MEIKIN: variants seen among roughly 807,000 people sequenced by gnomAD.
MEIKIN encodes the protein meiotic kinetochore factor, also known as meiosis-specific kinetochore protein.
intron 11 of MEIKIN, among the ~76,000 whole-genome samples, chr5:131,850,595 A>T (rs1450734519): frequency 6.6e-6 from 1 of 152,158 alleles, no homozygotes; most frequent in Non-Finnish European, 1.5e-5. Context: ...CTCTTCAACA[A>T]ATGATGCTGA....
In MEIKIN at chr5:131,914,502, G is replaced by GAAAAGA. The variant is rs1322608031; in HGVS notation, c.638+2378_638+2383dup. On this transcript the variant is annotated intron_variant, in intron 7 of 12. Coordinates refer to ENST00000442687, the MANE Select transcript of MEIKIN (RefSeq NM_001303622.2). The stretch of plus-strand genomic sequence containing the variant: ...GAAAGAGAGAGAAAGAGGAGAAAAA[G>GAAAAGA]AAAAGAAAAAGAAAAAGGAAGGGAG... 4.2e-5 allele frequency among the ~76,000 whole-genome samples: 5 copies of GAAAAGA among 119,740 alleles called. No homozygotes were observed. In the South Asian group the frequency reaches 1.5e-3, roughly 36 times the overall value. 78.6% of individuals were successfully genotyped at this position (119,740 alleles called of 152,430 possible).
chr5:131,943,964 C>A (rs1213822882), intron 3 of MEIKIN, among the ~76,000 whole-genome samples: 1 of 151,882 alleles, frequency 6.6e-6, no homozygotes, highest in African/African-American at 2.4e-5. Flanking sequence ...CAAAAATTAG[C>A]TGGGTGGTGG....
At chr5:131,874,162 A>G (rs1174700298) in intron 9 of MEIKIN, among the ~76,000 whole-genome samples, 2 of 152,186 alleles carry the variant, frequency 1.3e-5, no homozygotes, top group Non-Finnish European at 2.9e-5. Flanking sequence ...AACTGAAGGA[A>G]ATAGAGACAC....
At chr5:131,908,185 A>ACAAAATAG (rs1399505951) in intron 8 of MEIKIN, among the ~76,000 whole-genome samples, 1 of 152,208 alleles carries the variant, frequency 6.6e-6, no homozygotes. Flanking sequence ...AAAATCCTCA[A>ACAAAATAG]CAAAATAGCA....
intron 9 of MEIKIN, among the ~76,000 whole-genome samples, chr5:131,870,984 GT>G (rs1750481210): frequency 1.3e-5 from 2 of 152,138 alleles, no homozygotes; most frequent in Admixed American, 1.3e-4. Flanking sequence ...CTAAACCTCA[GT>G]TTTCTCAGCT....
chr5:131,871,454 G>A (rs1384688326), intron 9 of MEIKIN, among the ~76,000 whole-genome samples: 4 of 152,206 alleles, frequency 2.6e-5, no homozygotes, highest in Non-Finnish European at 5.9e-5. Context: ...TGGGGGAGGG[G>A]CGCCCGCCAT....
At chr5:131,830,285 T>A (rs1031397769) in intron 11 of MEIKIN, among the ~76,000 whole-genome samples, 1 of 152,164 alleles carries the variant, frequency 6.6e-6, no homozygotes, top group Non-Finnish European at 1.5e-5. Context: ...TAGTCCCAGC[T>A]ACTTGGGAGG....
chr5:131,928,930 G>A (rs1751636828), intron 5 of MEIKIN, among the ~76,000 whole-genome samples: 1 of 152,196 alleles, frequency 6.6e-6, no homozygotes, highest in Non-Finnish European at 1.5e-5. Flanking sequence ...TCATGTTACT[G>A]TTTAGCATCC....
intron 6 of MEIKIN, among the ~76,000 whole-genome samples, chr5:131,920,777 T>G (rs2149647377): frequency 6.6e-6 from 1 of 152,138 alleles, no homozygotes; most frequent in East Asian, 1.9e-4. Context: ...CACTGTAGCC[T>G]TGACCTCCTG....
At chr5:131,824,687 C>T (rs1749580901) in intron 11 of MEIKIN, among the ~76,000 whole-genome samples, 1 of 152,010 alleles carries the variant, frequency 6.6e-6, no homozygotes, top group Non-Finnish European at 1.5e-5. Flanking sequence ...GGAAATTGCC[C>T]AGACTATAAC....
chr5:131,929,042 C>A (rs913451637), intron 5 of MEIKIN, among the ~76,000 whole-genome samples: 30 of 152,186 alleles, frequency 2.0e-4, no homozygotes, highest in African/African-American at 6.8e-4. Flanking sequence ...CTCCTTGTCT[C>A]TCCATTTTTG....
rs766401356 is a variant in MEIKIN, at chr5:131,829,111, G to A, written c.976-10248C>T. On this transcript the variant is annotated intron_variant, in intron 11 of 12. Transcript: ENST00000442687. ...TCCCTCTAGCTTCCACAGAGAAATAGTTGATCATTATAAAGGAGCAGAAAT... is the reference window on the plus strand; with the variant it reads ...TCCCTCTAGCTTCCACAGAGAAATAATTGATCATTATAAAGGAGCAGAAAT... Among the ~76,000 whole-genome samples the A allele has an allele frequency of 3.0e-4, 46 of 152,198 alleles. No individual in the cohort carries two copies. The Middle Eastern group carries it at 0.027, about 90-fold the overall frequency.
chr5:131,923,521 CTT>C (rs1751541057), intron 5 of MEIKIN, among the ~76,000 whole-genome samples: 1 of 147,840 alleles, frequency 6.8e-6, no homozygotes, highest in Non-Finnish European at 1.5e-5. Context: ...ATTTTCTCCT[CTT>C]TTTTCCTCCT....
chr5:131,896,550 T>C (rs1000642594), intron 8 of MEIKIN, among the ~76,000 whole-genome samples: 1 of 152,214 alleles, frequency 6.6e-6, no homozygotes, highest in African/African-American at 2.4e-5. Flanking sequence ...ACTTGCTTTA[T>C]GAATCTGGGT....
chr5:131,871,117 C>T (rs1211107397), intron 9 of MEIKIN, among the ~76,000 whole-genome samples: 14 of 152,198 alleles, frequency 9.2e-5, no homozygotes, highest in South Asian at 4.1e-4. Flanking sequence ...CTGAGGTACC[C>T]GGTTCATCTC....
chr5:131,813,169 G>T (rs1258412218), intron 12 of MEIKIN, among the ~76,000 whole-genome samples: 1 of 152,150 alleles, frequency 6.6e-6, no homozygotes, highest in Non-Finnish European at 1.5e-5. Flanking sequence ...TTTTCTCACT[G>T]CCTGCTCTGA....
At chr5:131,912,148 C>T (rs1561753166) in intron 7 of MEIKIN, among the ~76,000 whole-genome samples, 1 of 152,044 alleles carries the variant, frequency 6.6e-6, no homozygotes, top group Non-Finnish European at 1.5e-5. Context: ...CTTTAAACTC[C>T]AGTTCCACTA....
At chr5:131,876,382 G>A (rs1211047824) in intron 9 of MEIKIN, among the ~76,000 whole-genome samples, 1 of 151,200 alleles carries the variant, frequency 6.6e-6, no homozygotes, top group Non-Finnish European at 1.5e-5. Flanking sequence ...GCGGCCAACG[G>A]ACACATGAAA....
chr5:131,876,482 A>G (rs1389698307), intron 9 of MEIKIN, among the ~76,000 whole-genome samples: 2 of 147,012 alleles, frequency 1.4e-5, no homozygotes, highest in Non-Finnish European at 3.0e-5. Context: ...CGATCATTAA[A>G]AAGTCAGGAA....
Sources: allele counts gnomAD v4.1 joint callset (sites outside exome capture counted in the v4.1 genomes callset), GRCh38; gene constraint gnomAD v4.1.1; transcripts MANE v1.5; gene names NCBI Gene and HGNC (gene_info 2026-07-23, HGNC 2026-07-21).